RCOR3: variants seen among roughly 807,000 people sequenced by gnomAD.
RCOR3 encodes the protein REST corepressor 3.
A neutral mutation model predicts 64.1 loss-of-function variants in RCOR3; 13 were observed. The observed-to-expected ratio is 0.20, with a 90% CI of 0.13 to 0.32. The LOEUF (loss-of-function observed/expected upper bound fraction) is 0.32, where lower values mean the gene tolerates loss of function less well. RCOR3 is among the 10% of genes least tolerant of loss of function. The pLI, the probability that RCOR3 is intolerant of heterozygous loss-of-function variation, is 1.00. For synonymous variants in RCOR3, 215 were observed against 239.0 expected (o/e 0.90, Z 0.93); for missense variants, 489 against 701.2 (o/e 0.70, Z 3.42).
chr1:211,259,867 T>TGCA, intron 1 of RCOR3, 141 bp downstream of exon 1: 1 of 1,077,322 alleles, frequency 9.3e-7, no homozygotes, highest in Non-Finnish European at 1.2e-6. Flanking sequence ...CCCGGTGCAG[T>TGCA]GCAGCAGCAC....
chr1:211,315,572 A>G lies in RCOR3; in HGVS notation c.*1804A>G, dbSNP rs185131443. The G allele has an allele frequency of 2.3e-4, 35 of 152,350 alleles. No individual in the cohort carries two copies. Among genetic ancestry groups the G allele is most frequent in the Non-Finnish European group, 4.4e-4 (30 of 68,030 alleles). The allele number at this position is 152,350 out of a possible 1,614,324, so 9.4% of individuals were successfully genotyped here. On this transcript the variant is annotated 3_prime_UTR_variant, in exon 12 of 12. Transcript: ENST00000419091. ...AGGGGACAGTTAAATATCTTAAAAT[A>G]TCTAAAACATTTTTTAAAGCACTTA...
At chr1:211,270,798 A>C (rs1004818542) in intron 2 of RCOR3, among the ~76,000 whole-genome samples, 1 of 107,014 alleles carries the variant, frequency 9.3e-6, no homozygotes, top group Non-Finnish European at 1.9e-5. Context: ...GTTTTCCTAT[A>C]TTTTCTTTAC....
chr1:211,277,987 C>T, intron 5 of RCOR3, 130 bp from the exon 6 acceptor site: 1 of 747,018 alleles, frequency 1.3e-6, no homozygotes, highest in South Asian at 1.8e-5. Flanking sequence ...TACTTTTTAG[C>T]TCTATAATTC....
In RCOR3 at chr1:211,313,588, G is replaced by T; in HGVS notation, c.1482G>T (p.Gln494His). 1 of 1,614,012 alleles carries T rather than the reference G, an allele frequency of 6.2e-7. No individual in the cohort carries two copies. Among genetic ancestry groups the T allele is most frequent in the Non-Finnish European group, 8.5e-7 (1 of 1,179,996 alleles). Residue 494 changes from glutamine to histidine, a missense_variant, in exon 12 of 12, where the codon CAG (glutamine) becomes CAT (histidine). By Grantham distance (24) the Gln-to-His change is conservative (BLOSUM62 0). Coordinates refer to ENST00000419091, the MANE Select transcript of RCOR3 (RefSeq NM_001136223.3). This position sits in a 1 kb window ranked among gnomAD's most constrained non-coding sequence, Gnocchi z 4.7. The stretch of plus-strand genomic sequence containing the variant: ...TTCACCGGCAGCCTCCTCCACTCCA[G>T]CAGCAGGCTCGGTTCATCCAGCCCC... ...PALHRQPPPL[Q>H]QQARFIQPRP...
chr1:211,298,156 G>A (rs890836878), intron 9 of RCOR3, among the ~76,000 whole-genome samples: 1 of 152,076 alleles, frequency 6.6e-6, no homozygotes, highest in African/African-American at 2.4e-5. Flanking sequence ...TTTTCCACCT[G>A]CTTTTTAAAA....
chr1:211,260,088 T>A lies in RCOR3; in HGVS notation c.167-20T>A, dbSNP rs532603430. On this transcript the variant is annotated intron_variant, in intron 1 of 11. Coordinates refer to ENST00000419091, the MANE Select transcript of RCOR3 (RefSeq NM_001136223.3). ...CTTCTTTTTTATTTTTTATATATAT[T>A]TTTTGGCATTGCTTTGCAGATGTTG... 6.1e-5 allele frequency: 96 copies of A among 1,586,192 alleles called. No individual in the cohort carries two copies. The African/African-American group carries it at 6.1e-4, about 10-fold the overall frequency.
intron 9 of RCOR3, among the ~76,000 whole-genome samples, chr1:211,300,071 C>CTTTTTTTTTTTTTTTTTTTTTTTTTTTTT (rs11419492): frequency 8.2e-6 from 1 of 121,300 alleles, no homozygotes; most frequent in Admixed American, 9.5e-5. Context: ...TTCTTTCTTT[C>CTTTTTTTTTTTTTTTTTTTTTTTTTTTTT]TTTTTTTTTT....
intron 8 of RCOR3, among the ~76,000 whole-genome samples, chr1:211,294,481 C>G (rs1699614228): frequency 6.6e-6 from 1 of 151,262 alleles, no homozygotes; most frequent in Admixed American, 6.6e-5. Flanking sequence ...TCTTATGTGT[C>G]ATTGAAGTTT....
chr1:211,277,097 CAAAA>C (rs538783429), intron 5 of RCOR3, among the ~76,000 whole-genome samples: 1 of 146,044 alleles, frequency 6.8e-6, no homozygotes. Context: ...AAAAAAAAAA[CAAAA>C]AAAACAAAAA....
intron 7 of RCOR3, among the ~76,000 whole-genome samples, chr1:211,281,673 A>T (rs189823584): frequency 6.6e-6 from 1 of 152,120 alleles, no homozygotes; most frequent in Admixed American, 6.5e-5. Context: ...CTTTTGTCCT[A>T]TGATTATGTT....
intron 2 of RCOR3, among the ~76,000 whole-genome samples, chr1:211,264,802 G>A (rs1694914259): frequency 6.6e-6 from 1 of 152,184 alleles, no homozygotes; most frequent in Non-Finnish European, 1.5e-5. Context: ...TGGAACCATT[G>A]ATAATAATGT....
At chr1:211,304,364 T>C (rs1431838374) in intron 10 of RCOR3, among the ~76,000 whole-genome samples, 2 of 152,226 alleles carry the variant, frequency 1.3e-5, no homozygotes, top group African/African-American at 4.8e-5. Flanking sequence ...TTCTCAGCAC[T>C]AAATAATTGA....
At chr1:211,278,714 G>A (rs12027724) in intron 6 of RCOR3, among the ~76,000 whole-genome samples, 75,010 of 151,900 alleles carry the variant, frequency 0.49, 21,173 homozygotes, top group East Asian at 0.62. Flanking sequence ...CTGTTTTTGA[G>A]CTAGAAGTGT....
At chr1:211,298,238 A>G (rs539769948) in intron 9 of RCOR3, among the ~76,000 whole-genome samples, 1 of 152,352 alleles carries the variant, frequency 6.6e-6, no homozygotes, top group Admixed American at 6.5e-5. Flanking sequence ...TAAGCAAAGT[A>G]TACAGGGAAA....
chr1:211,304,148 A>C lies in RCOR3; in HGVS notation c.1075+8A>C, dbSNP rs757379807. On this transcript the variant is annotated splice_region_variant and intron_variant, in intron 10 of 11. Transcript: ENST00000419091. The stretch of plus-strand genomic sequence containing the variant: ...AGCTTCTAGCAGTGCAAGGTATATT[A>C]AAGATAAGCAGTTATTGTTGTTAAT... 3 of 1,564,722 alleles carry C rather than the reference A, an allele frequency of 1.9e-6. No homozygotes were observed. The East Asian group carries it at 6.9e-5, about 36-fold the overall frequency.
intron 2 of RCOR3, among the ~76,000 whole-genome samples, chr1:211,261,951 A>G (rs1175837668): frequency 2.3e-5 from 3 of 130,558 alleles, no homozygotes; most frequent in African/African-American, 8.4e-5. Context: ...ACTGAATTCA[A>G]TTCCTAACTC....
At chr1:211,297,349 A>T (rs1203367997) in intron 9 of RCOR3, among the ~76,000 whole-genome samples, 1 of 152,084 alleles carries the variant, frequency 6.6e-6, no homozygotes, top group African/African-American at 2.4e-5. Context: ...ATTTTACATG[A>T]GGAAACTGGA....
chr1:211,296,104 G>A (rs941366832), intron 9 of RCOR3, among the ~76,000 whole-genome samples: 13 of 152,128 alleles, frequency 8.5e-5, no homozygotes, highest in Non-Finnish European at 1.3e-4. Context: ...CTGCTTGTGT[G>A]AATTGGTAAC....
At chr1:211,288,176 C>G (rs1698781206) in intron 7 of RCOR3, among the ~76,000 whole-genome samples, 1 of 150,714 alleles carries the variant, frequency 6.6e-6, no homozygotes, top group Admixed American at 6.6e-5. Context: ...CATGCCACTG[C>G]ACTTAGCCTG....
Sources: gnomAD v4.1 joint callset for allele counts (sites outside exome capture counted in the v4.1 genomes callset) on GRCh38, gnomAD v4.1.1 for gene constraint, Gnocchi (gnomAD v3.1) non-coding constraint, MANE v1.5 for transcripts, NCBI Gene and HGNC (gene_info 2026-07-23, HGNC 2026-07-21) for gene names.